CLEC4M: variants seen among roughly 807,000 people sequenced by gnomAD.
CLEC4M encodes the protein CD209 antigen-like protein 1.
In CLEC4M, 25 loss-of-function variants were observed where a neutral mutation model predicts 39.1. That is an observed-to-expected ratio of 0.64 (90% confidence interval 0.47 to 0.89). The LOEUF is 0.89. Ranked by LOEUF, CLEC4M falls within the 40% of genes least tolerant of loss-of-function variation. The pLI is 0.00. For synonymous variants in CLEC4M, 155 were observed against 177.4 expected (o/e 0.87, Z 1.00); for missense variants, 353 against 431.4 (o/e 0.82, Z 1.61).
intron 6 of CLEC4M, 40 bp downstream of exon 6, chr19:7,767,668 T>A: frequency 6.4e-7 from 1 of 1,572,022 alleles, no homozygotes; most frequent in Non-Finnish European, 8.8e-7. Context: ...CCAGTCGGGC[T>A]GGGTTCCTGC....
Position 7,765,191 on chromosome 19 carries a change from T to C in CLEC4M, c.137T>C (p.Leu46Pro). 6.2e-7 allele frequency: 1 copy of C among 1,614,146 alleles called. No individual in the cohort carries two copies. Among genetic ancestry groups the C allele is most frequent in the Non-Finnish European group, 8.5e-7 (1 of 1,180,000 alleles). Residue 46 changes from leucine (L) to proline (P), a missense_variant, in exon 3 of 7, where the codon CTT becomes CCT. By Grantham distance (98) the Leu-to-Pro change is moderately conservative. Around this residue, in one of 4 missense-constraint regions of CLEC4M, gnomAD observed 91 missense variants for 77.8 expected, o/e 1.17. Coordinates refer to ENST00000327325, the MANE Select transcript of CLEC4M (RefSeq NM_014257.5). ...CGCATGTATCCTCTCTCAGGGTGTC[T>C]TGGCCATGGCGCCCTGGTGCTGCAA... Reference protein sequence around the residue: ...IHGHKSSTGCLGHGALVLQLL... With the variant: ...IHGHKSSTGCPGHGALVLQLL...
Position 7,763,492 on chromosome 19 carries a change from G to A in CLEC4M, c.130+16G>A, listed in dbSNP as rs567012634. 23 of 1,609,010 alleles carry A rather than the reference G, an allele frequency of 1.4e-5. No individual in the cohort carries two copies. In the South Asian group the frequency reaches 2.3e-4, roughly 16 times the overall value. Reference sequence around the variant, plus strand: ...AGCTCTACAGGTAGGCAAGAGTTAGGGAGCAGATAGTGGAAGACAGAGCCT... The same window carrying A: ...AGCTCTACAGGTAGGCAAGAGTTAGAGAGCAGATAGTGGAAGACAGAGCCT... On this transcript the variant is annotated intron_variant, in intron 2 of 6. Transcript: ENST00000327325.
At chr19:7,766,309 T>C in intron 4 of CLEC4M, 102 bp downstream of exon 4, 1 of 1,550,074 alleles carries the variant, frequency 6.5e-7, no homozygotes, top group Non-Finnish European at 8.7e-7. Context: ...TTTCCTCCCC[T>C]GTGAAATGAG....
intron 4 of CLEC4M, 188 bp from the exon 5 acceptor site, chr19:7,766,467 TG>T: frequency 6.9e-7 from 1 of 1,455,596 alleles, no homozygotes; most frequent in Non-Finnish European, 9.0e-7. Flanking sequence ...CCAGGACTCC[TG>T]GGTTCTCCTG....
chr19:7,769,514 C>A lies in CLEC4M; in HGVS notation c.*526C>A, dbSNP rs1377116793. Reference sequence around the variant, plus strand: ...TGGAGGCTCCATACAACCTCTTCCACCCCCACATCTTTCTTTGTCCTATAC... The same window carrying A: ...TGGAGGCTCCATACAACCTCTTCCAACCCCACATCTTTCTTTGTCCTATAC... On this transcript the variant is annotated 3_prime_UTR_variant, in exon 7 of 7. Coordinates refer to ENST00000327325, the MANE Select transcript of CLEC4M (RefSeq NM_014257.5). The A allele has an allele frequency of 1.3e-5, 2 of 154,496 alleles. No homozygotes were observed. Among genetic ancestry groups the A allele is most frequent in the African/African-American group, 4.8e-5 (2 of 41,454 alleles). The allele number at this position is 154,496 out of a possible 1,614,324, so 9.6% of individuals were successfully genotyped here.
Position 7,763,255 on chromosome 19 carries a change from C to G in CLEC4M, c.-12C>G. 2 of 1,588,362 alleles carry G rather than the reference C, an allele frequency of 1.3e-6. No individual in the cohort carries two copies. Among genetic ancestry groups the G allele is most frequent in the Non-Finnish European group, 1.7e-6 (2 of 1,169,138 alleles). On this transcript the variant is annotated 5_prime_UTR_variant, in exon 1 of 7. Coordinates refer to ENST00000327325, the MANE Select transcript of CLEC4M (RefSeq NM_014257.5). The stretch of plus-strand genomic sequence containing the variant: ...CCCAGGAGTCCTGAACATCTGGGGA[C>G]AGCGGGAAAACATGAGTGACTCCAA...
chr19:7,767,230 A>T, intron 5 of CLEC4M: 1 of 445,810 alleles, frequency 2.2e-6, no homozygotes, highest in South Asian at 2.6e-5. Context: ...CAGTACATGA[A>T]ACCCAGTCAG....
At chr19:7,766,349 G>T (rs561060665) in intron 4 of CLEC4M, 142 bp downstream of exon 4, 3 of 1,489,016 alleles carry the variant, frequency 2.0e-6, no homozygotes, top group Non-Finnish European at 2.7e-6. Context: ...CATTGCACTT[G>T]GTGTTCACAG....
chr19:7,764,540 A>T (rs582173), intron 2 of CLEC4M, among the ~76,000 whole-genome samples: 116 of 152,124 alleles, frequency 7.6e-4, no homozygotes, highest in African/African-American at 2.8e-3. Context: ...CCAGGCTGGA[A>T]TGCAGTGGCG....
intron 5 of CLEC4M, chr19:7,767,018 G>A (rs528282031): frequency 2.4e-6 from 2 of 822,500 alleles, no homozygotes; most frequent in African/African-American, 3.4e-5. Flanking sequence ...AACGTCAAAT[G>A]TAAGCAAACC....
intron 6 of CLEC4M, 136 bp downstream of exon 6, chr19:7,767,764 G>GA: frequency 1.4e-6 from 1 of 702,842 alleles, no homozygotes; most frequent in South Asian, 1.8e-5. Flanking sequence ...CTGAGTTGAG[G>GA]AAGGTGGTCT....
At chr19:7,766,568 C>G in intron 4 of CLEC4M, 88 bp from the exon 5 acceptor site, 4 of 1,587,810 alleles carry the variant, frequency 2.5e-6, no homozygotes, top group Admixed American at 1.7e-5. Flanking sequence ...AAGGAAGGGC[C>G]CTGATTTTCA....
At chr19:7,764,019 C>A (rs560053802) in intron 2 of CLEC4M, among the ~76,000 whole-genome samples, 2 of 151,878 alleles carry the variant, frequency 1.3e-5, no homozygotes, top group Non-Finnish European at 2.9e-5. Flanking sequence ...CTCCTGGGAC[C>A]TGGAGATGTG....
rs367919743 is a variant in CLEC4M, at chr19:7,765,701, T to C, written c.278T>C (p.Leu93Pro). The part of the protein sequence containing the change: ...QSEQDAIYQN[L>P]TQLKAAVGEL... ...GAGCAAGACGCAATCTACCAGAACC[T>C]GACCCAGCTTAAAGCTGCAGTGGGT... is the stretch of plus-strand genomic sequence containing the variant. The change falls in exon 4 of 7, where the codon CTG (leucine) becomes CCG (proline). Residue 93 changes from leucine to proline, a missense_variant. Physicochemically the swap from Leu to Pro is moderately conservative, Grantham distance 98 (BLOSUM62 -3). Coordinates refer to ENST00000327325, the MANE Select transcript of CLEC4M (RefSeq NM_014257.5). 5.6e-6 allele frequency: 9 copies of C among 1,614,144 alleles called. No individual in the cohort carries two copies. Among genetic ancestry groups the C allele is most frequent in the Non-Finnish European group, 7.6e-6 (9 of 1,180,066 alleles).
chr19:7,766,656 A>G lies in CLEC4M; in HGVS notation c.785A>G (p.Glu262Gly). The stretch of plus-strand genomic sequence containing the variant: ...AGCCCTGACCAGCCTCCCCCAACAG[A>G]ACGCCTGTGCCGCCACTGTCCCAAG... ...QELTDLKTAFERLCRHCPKDW... is the reference protein window; with the variant it reads ...QELTDLKTAFGRLCRHCPKDW... The change falls in exon 5 of 7, where the codon GAA (glutamate) becomes GGA (glycine). Residue 262 changes from glutamate to glycine, a missense_variant and splice_region_variant. Physicochemically the swap from Glu to Gly is moderately conservative, Grantham distance 98. This residue lies in a region of CLEC4M where 196 missense variants were observed against 211.7 expected (regional missense o/e 0.93). Coordinates refer to ENST00000327325, the MANE Select transcript of CLEC4M (RefSeq NM_014257.5). 3 of 1,614,208 alleles carry G rather than the reference A, an allele frequency of 1.9e-6. No individual in the cohort carries two copies. The highest frequency in any genetic ancestry group is 2.5e-6 in the Non-Finnish European group (3 of 1,180,016).
At chr19:7,767,272 A>G (rs2034319088) in intron 5 of CLEC4M, 1 of 502,708 alleles carries the variant, frequency 2.0e-6, no homozygotes, top group Non-Finnish European at 3.6e-6. Flanking sequence ...CAAAATAGAT[A>G]AACATGCAGC....
At chr19:7,768,224 G>A (rs1181779711) in intron 6 of CLEC4M, 2 of 155,178 alleles carry the variant, frequency 1.3e-5, no homozygotes, top group Non-Finnish European at 2.9e-5. Context: ...GAGTGCAAGA[G>A]CCCAATAAGG....
chr19:7,768,563 G>A (rs1006672450), intron 6 of CLEC4M: 10 of 256,036 alleles, frequency 3.9e-5, no homozygotes, highest in Middle Eastern at 1.4e-3. Flanking sequence ...GCAACAGAGC[G>A]AGAATCTGTC....
rs1456874106 is a variant in CLEC4M at position 7,763,446 on chromosome 19, C to T, written c.100C>T (p.Gln34Ter). ...ACTTTTTCCAAGAGACTTTCAATTCCAGCAGATACATGGCCACAAGAGCTC... is the reference window on the plus strand; with the variant it reads ...ACTTTTTCCAAGAGACTTTCAATTCTAGCAGATACATGGCCACAAGAGCTC... ...IRLFPRDFQF[Q>*]QIHGHKSSTG... Residue 34 changes from glutamine (Q) to a stop codon, truncating the protein, a stop_gained, in exon 2 of 7, where the codon CAG becomes TAG. Coordinates refer to ENST00000327325, the MANE Select transcript of CLEC4M (RefSeq NM_014257.5). LOFTEE classifies it high-confidence loss of function. 1 of 1,613,938 alleles carries T rather than the reference C, an allele frequency of 6.2e-7. No individual in the cohort carries two copies. Among genetic ancestry groups the T allele is most frequent in the Admixed American group, 1.7e-5 (1 of 60,002 alleles).
Sources: gnomAD v4.1 joint callset for allele counts (sites outside exome capture counted in the v4.1 genomes callset) on GRCh38, gnomAD v4.1.1 for gene constraint, gnomAD v4.1.1 regional missense constraint, MANE v1.5 for transcripts, NCBI Gene and HGNC (gene_info 2026-07-23, HGNC 2026-07-21) for gene names.